RARB: variants seen among roughly 807,000 people sequenced by gnomAD.
The protein encoded by RARB is retinoic acid receptor beta.
A neutral mutation model predicts 51.9 loss-of-function variants in RARB; 17 were observed. The ratio of observed to expected loss-of-function variants is 0.33; its 90% CI spans 0.22 to 0.49. The LOEUF is 0.49. RARB is among the 20% of genes least tolerant of loss of function. The pLI is 0.99. For missense variants in RARB, 369 were observed against 550.8 expected, an observed-to-expected ratio of 0.67 and a Z score of 3.30; for synonymous variants, 215 against 195.4, an observed-to-expected ratio of 1.10 and a Z score of -0.84.
chr3:25,148,288 T>G (rs1700226962), intron 4 of RARB, among the ~76,000 whole-genome samples: 1 of 152,220 alleles, frequency 6.6e-6, no homozygotes, highest in Non-Finnish European at 1.5e-5. Context: ...GAGACAGAAT[T>G]GTTTCAATTA....
chr3:24,905,019 G>C (rs1034640704), intron 2 of RARB, among the ~76,000 whole-genome samples: 1 of 152,168 alleles, frequency 6.6e-6, no homozygotes, highest in African/African-American at 2.4e-5. Context: ...ATAGTATTAG[G>C]AAAAACACGT....
intron 5 of RARB, among the ~76,000 whole-genome samples, chr3:25,289,811 T>A (rs184981616): frequency 2.0e-5 from 3 of 152,200 alleles, no homozygotes; most frequent in African/African-American, 4.8e-5. Flanking sequence ...AAGTCATAGA[T>A]AATTTTTGGA....
chr3:25,068,115 CAGAG>C (rs1183779921), intron 3 of RARB, among the ~76,000 whole-genome samples: 1 of 109,784 alleles, frequency 9.1e-6, no homozygotes, highest in Non-Finnish European at 1.7e-5. Flanking sequence ...GCCTGGGCGA[CAGAG>C]AGAGACTCCA....
intron 2 of RARB, among the ~76,000 whole-genome samples, chr3:24,894,020 A>G (rs1479562559): frequency 6.6e-6 from 1 of 151,528 alleles, no homozygotes; most frequent in Non-Finnish European, 1.5e-5. Context: ...ATAACTGAAC[A>G]GAAAGAGATG....
intron 5 of RARB, among the ~76,000 whole-genome samples, chr3:25,199,205 A>G (rs1164342074): frequency 2.6e-5 from 4 of 152,146 alleles, no homozygotes; most frequent in Non-Finnish European, 5.9e-5. Context: ...CAGAAAGATA[A>G]ACATCACATG....
chr3:25,345,098 A>G (rs1705348760), intron 5 of RARB, among the ~76,000 whole-genome samples: 1 of 152,150 alleles, frequency 6.6e-6, no homozygotes, highest in Non-Finnish European at 1.5e-5. Context: ...TGTAGAAAAT[A>G]TCTGTGGGTG....
intron 2 of RARB, among the ~76,000 whole-genome samples, chr3:25,039,538 T>TTC (rs1698070906): frequency 6.6e-6 from 1 of 152,140 alleles, no homozygotes; most frequent in South Asian, 2.1e-4. Flanking sequence ...GATCCTAGAG[T>TTC]TCACATTCGA....
chr3:25,064,619 T>C (rs1698624129), intron 3 of RARB, among the ~76,000 whole-genome samples: 1 of 152,090 alleles, frequency 6.6e-6, no homozygotes, highest in Non-Finnish European at 1.5e-5. Flanking sequence ...GAAATGTAGT[T>C]AGGGAAAATA....
chr3:24,994,940 T>C (rs1175888063), intron 2 of RARB, among the ~76,000 whole-genome samples: 1 of 152,118 alleles, frequency 6.6e-6, no homozygotes, highest in African/African-American at 2.4e-5. Context: ...TCCAGCTTTG[T>C]TGTTTTTGCT....
At chr3:25,441,309 TG>T in intron 1 of RARB, 1 of 388,716 alleles carries the variant, frequency 2.6e-6, no homozygotes, top group Non-Finnish European at 5.0e-6. Context: ...TTTAAAGTCC[TG>T]AGCAATTTCT....
At chr3:25,585,470 A>C (rs1701345881) in intron 5 of RARB, among the ~76,000 whole-genome samples, 1 of 152,222 alleles carries the variant, frequency 6.6e-6, no homozygotes, top group Admixed American at 6.5e-5. Context: ...GGTTTGTTTA[A>C]AGACTGTGGT....
intron 4 of RARB, among the ~76,000 whole-genome samples, chr3:25,148,557 A>G (rs1700231345): frequency 6.6e-6 from 1 of 152,194 alleles, no homozygotes; most frequent in East Asian, 1.9e-4. Context: ...ATAATCACTA[A>G]TTACTAAGTA....
intron 2 of RARB, among the ~76,000 whole-genome samples, chr3:24,972,484 T>G (rs1433099492): frequency 1.3e-5 from 2 of 152,032 alleles, no homozygotes; most frequent in African/African-American, 4.8e-5. Context: ...ATATTGATTT[T>G]TTTTCTTTTG....
intron 2 of RARB, chr3:25,020,385 A>G (rs1697608326): frequency 6.6e-6 from 1 of 152,044 alleles, no homozygotes; most frequent in African/African-American, 2.4e-5. Flanking sequence ...ACTACAGCCC[A>G]GGGCTCCTGG....
chr3:25,353,090 G>A (rs1200868266), intron 5 of RARB, among the ~76,000 whole-genome samples: 1 of 152,090 alleles, frequency 6.6e-6, no homozygotes, highest in Non-Finnish European at 1.5e-5. Flanking sequence ...GTTTCTAACT[G>A]CCTTTTGGAG....
chr3:25,127,333 T>C (rs1289975944), intron 3 of RARB, among the ~76,000 whole-genome samples: 1 of 152,128 alleles, frequency 6.6e-6, no homozygotes, highest in Non-Finnish European at 1.5e-5. Flanking sequence ...ATCAACTCCT[T>C]GAACTCAGCA....
At chr3:25,080,885 C>G (rs1698980565) in intron 3 of RARB, among the ~76,000 whole-genome samples, 1 of 152,048 alleles carries the variant, frequency 6.6e-6, no homozygotes, top group African/African-American at 2.4e-5. Context: ...TTGATGAAAT[C>G]CAATATACCT....
rs78841667 is a variant in RARB at position 25,011,331 on chromosome 3, C to T, written c.-379-48794C>T. Among the ~76,000 whole-genome samples the T allele has an allele frequency of 2.2e-3, 328 of 152,220 alleles. 1 individual carries two copies. Among genetic ancestry groups the T allele is most frequent in the African/African-American group, 7.3e-3 (304 of 41,562 alleles). On this transcript the variant is annotated intron_variant, in intron 2 of 11. Transcript: ENST00000383772. ...ATAGCACGTTCAAGGAAGATCTCCA[C>T]TGAGAAGGTGACGTGTGAACAAAAC... is the stretch of plus-strand genomic sequence containing the variant.
In RARB at chr3:25,252,492, C is replaced by G. The variant is rs190020741; in HGVS notation, c.178+77917C>G. On this transcript the variant is annotated intron_variant, in intron 5 of 11. Coordinates refer to the RARB transcript ENST00000383772. ...CAGTCCATGAACATGGTATATCTTT[C>G]CATTTATTTAGGTCTTCTTTAACTT... Among the ~76,000 whole-genome samples, 17 of 152,180 alleles carry G rather than the reference C, an allele frequency of 1.1e-4. No individual in the cohort carries two copies. The East Asian group carries it at 3.3e-3, about 29-fold the overall frequency.
Sources: allele counts gnomAD v4.1 joint callset (sites outside exome capture counted in the v4.1 genomes callset), GRCh38; gene constraint gnomAD v4.1.1; transcripts MANE v1.5; gene names NCBI Gene and HGNC (gene_info 2026-07-23, HGNC 2026-07-21).